GRIP1: variants seen among roughly 807,000 people sequenced by gnomAD.
GRIP1 encodes the protein glutamate receptor interacting protein 1.
Under a neutral mutation model 129.9 loss-of-function variants are expected in GRIP1, and 45 were observed. The observed-to-expected ratio is 0.35, with a 90% CI of 0.27 to 0.44. The LOEUF (loss-of-function observed/expected upper bound fraction) is 0.44. Among genes scored for constraint, GRIP1 ranks in the 20% least tolerant of loss-of-function variants. The probability of loss-of-function intolerance (pLI) is 1.00; values close to 1 mark genes in which losing one functional copy is unlikely to be tolerated. For synonymous variants in GRIP1, 530 were observed against 520.8 expected, an observed-to-expected ratio of 1.02 and a Z score of -0.24; for missense variants, 1,196 against 1,396.8, an observed-to-expected ratio of 0.86 and a Z score of 2.29.
intron 1 of GRIP1, among the ~76,000 whole-genome samples, chr12:66,702,618 A>G (rs911259875): frequency 5.3e-5 from 8 of 152,210 alleles, no homozygotes; most frequent in Admixed American, 6.6e-5. Flanking sequence ...AAGCAGTGTA[A>G]TAAAGACAAC....
chr12:66,602,848 C>CTTTTTTTTTTTTTTTTT (rs71436016), intron 1 of GRIP1, among the ~76,000 whole-genome samples: 2 of 71,662 alleles, frequency 2.8e-5, no homozygotes, highest in Non-Finnish European at 5.6e-5. Flanking sequence ...AGATCTTTTG[C>CTTTTTTTTTTTTTTTTT]TTTTTTTTTT....
At chr12:67,002,414 C>T (rs1423990426) in intron 1 of GRIP1, among the ~76,000 whole-genome samples, 2 of 152,154 alleles carry the variant, frequency 1.3e-5, no homozygotes, top group African/African-American at 2.4e-5. Flanking sequence ...CACTGCACAC[C>T]GGTAATGGAA....
At chr12:66,870,428 T>C (rs953079438) in intron 1 of GRIP1, among the ~76,000 whole-genome samples, 4 of 152,164 alleles carry the variant, frequency 2.6e-5, no homozygotes, top group African/African-American at 7.2e-5. Context: ...AGTTTTTTAA[T>C]GTAATCTCTT....
chr12:66,529,611 T>TA (rs1185054965), intron 5 of GRIP1, among the ~76,000 whole-genome samples: 2 of 151,998 alleles, frequency 1.3e-5, no homozygotes, highest in Non-Finnish European at 2.9e-5. Context: ...ATAAGAAAGA[T>TA]ACAAGGGACT....
intron 1 of GRIP1, among the ~76,000 whole-genome samples, chr12:66,898,209 C>G (rs555923883): frequency 1.3e-5 from 2 of 152,320 alleles, no homozygotes; most frequent in Admixed American, 6.5e-5. Flanking sequence ...GTTGTGCCCA[C>G]TACACTAATA....
intron 1 of GRIP1, among the ~76,000 whole-genome samples, chr12:67,049,957 C>T (rs1340136114): frequency 2.1e-5 from 3 of 145,126 alleles, no homozygotes; most frequent in Non-Finnish European, 4.5e-5. Flanking sequence ...GCATTTTTTG[C>T]GTATTTGAAT....
At chr12:67,043,424 T>C (rs2043207884) in intron 1 of GRIP1, among the ~76,000 whole-genome samples, 1 of 152,182 alleles carries the variant, frequency 6.6e-6, no homozygotes, top group African/African-American at 2.4e-5. Context: ...AAAAGTGATC[T>C]ACAGCTCTTA....
chr12:66,925,656 T>G (rs2041284306), intron 1 of GRIP1, among the ~76,000 whole-genome samples: 1 of 152,128 alleles, frequency 6.6e-6, no homozygotes, highest in African/African-American at 2.4e-5. Context: ...TGTTTGTTTG[T>G]TTTTTCAGAC....
intron 1 of GRIP1, among the ~76,000 whole-genome samples, chr12:66,723,268 C>T (rs1379799925): frequency 1.1e-4 from 1 of 8,818 alleles, no homozygotes; most frequent in African/African-American, 6.3e-4. Context: ...TCCTTCCTTC[C>T]TTCCTTCCTT....
intron 1 of GRIP1, among the ~76,000 whole-genome samples, chr12:66,797,392 G>A (rs2038730518): frequency 2.0e-5 from 3 of 152,072 alleles, no homozygotes; most frequent in Non-Finnish European, 4.4e-5. Flanking sequence ...CAGCTCTACT[G>A]ACTACACCTG....
At chr12:66,354,122 A>G (rs1204894474) in intron 23 of GRIP1, among the ~76,000 whole-genome samples, 1 of 152,150 alleles carries the variant, frequency 6.6e-6, no homozygotes, top group Non-Finnish European at 1.5e-5. Context: ...CTCTATGACA[A>G]CACCTTGCTC....
chr12:66,412,161 C>A (rs1401528759), intron 15 of GRIP1, among the ~76,000 whole-genome samples: 2 of 152,062 alleles, frequency 1.3e-5, no homozygotes, highest in African/African-American at 4.8e-5. Context: ...AGAAGATCAA[C>A]CCCAAGACAC....
intron 1 of GRIP1, among the ~76,000 whole-genome samples, chr12:66,693,733 A>T (rs759492297): frequency 1.7e-4 from 26 of 152,214 alleles, no homozygotes; most frequent in Non-Finnish European, 3.5e-4. Flanking sequence ...TTATGGGTCT[A>T]TTCATGGACA....
At chr12:66,603,783 T>C (rs1038627375) in intron 1 of GRIP1, among the ~76,000 whole-genome samples, 3 of 152,226 alleles carry the variant, frequency 2.0e-5, no homozygotes, top group African/African-American at 7.2e-5. Flanking sequence ...TTGAGTGAAT[T>C]CAATCTTCCC....
intron 1 of GRIP1, among the ~76,000 whole-genome samples, chr12:66,849,814 A>G (rs2039879699): frequency 1.3e-5 from 2 of 152,094 alleles, no homozygotes; most frequent in Admixed American, 1.3e-4. Flanking sequence ...TACATCTTCA[A>G]TCTGTCCCCC....
intron 1 of GRIP1, among the ~76,000 whole-genome samples, chr12:66,827,387 T>TGTGTGTGTGTGTGAGAGAGA (rs755458052): frequency 5.1e-4 from 55 of 108,288 alleles, no homozygotes; most frequent in East Asian, 3.3e-3. Context: ...TGTGTGTGTG[T>TGTGTGTGTGTGTGAGAGAGA]GAGAGAGAGA....
intron 24 of GRIP1, among the ~76,000 whole-genome samples, chr12:66,350,770 T>C (rs1211442911): frequency 3.3e-5 from 5 of 152,212 alleles, no homozygotes; most frequent in Non-Finnish European, 7.3e-5. Context: ...CTACCTGGAC[T>C]CCTTGCCTGT....
intron 7 of GRIP1, among the ~76,000 whole-genome samples, chr12:66,491,627 T>C (rs1037040587): frequency 2.6e-5 from 4 of 151,912 alleles, no homozygotes; most frequent in African/African-American, 9.7e-5. Flanking sequence ...AACTTAAGAG[T>C]TGAAGAAAAA....
At chr12:66,637,213 T>G (rs985120250) in intron 1 of GRIP1, among the ~76,000 whole-genome samples, 1 of 151,538 alleles carries the variant, frequency 6.6e-6, no homozygotes, top group African/African-American at 2.4e-5. Flanking sequence ...CTGTATAAAA[T>G]AAATAAATAA....
Sources: allele counts gnomAD v4.1 joint callset (sites outside exome capture counted in the v4.1 genomes callset), GRCh38; gene constraint gnomAD v4.1.1; transcripts MANE v1.5; gene names NCBI Gene and HGNC (gene_info 2026-07-23, HGNC 2026-07-21).